The following PLD1 variants were observed in gnomAD, a reference collection of about 807,000 sequenced individuals.
PLD1 encodes phospholipase D1.
PLD1 carries 112 observed loss-of-function variants against 137.1 expected under a neutral mutation model. That is an observed-to-expected ratio of 0.82 (90% CI 0.70 to 0.96). The LOEUF (loss-of-function observed/expected upper bound fraction) is 0.96. Among genes scored for constraint, PLD1 ranks in the 40% least tolerant of loss-of-function variants. The pLI is 0.00. For missense variants in PLD1, 1,321 were observed against 1,342.0 expected, an observed-to-expected ratio of 0.98 and a Z score of 0.24; for synonymous variants, 431 against 454.7, an observed-to-expected ratio of 0.95 and a Z score of 0.66.
At position 171,661,846 on chromosome 3, in the gene PLD1, A is replaced by G. The variant is rs375614166; in HGVS notation, c.2340+214T>C. Reference sequence around the variant, plus strand: ...ACAGCAAAGATTTGTGAGACTCCCAATAGAATCTTGAGTTAATGACAATGC... The same window carrying G: ...ACAGCAAAGATTTGTGAGACTCCCAGTAGAATCTTGAGTTAATGACAATGC... On this transcript the variant is annotated intron_variant, in intron 20 of 26. Transcript: ENST00000351298. 3.3e-5 allele frequency among the ~76,000 whole-genome samples: 5 copies of G among 152,214 alleles called. No individual in the cohort carries two copies. The South Asian group carries it at 6.2e-4, about 19-fold the overall frequency.
chr3:171,803,368 G>A (rs1723723416), intron 1 of PLD1, among the ~76,000 whole-genome samples: 1 of 152,226 alleles, frequency 6.6e-6, no homozygotes. Context: ...AAGATGGGGT[G>A]GAGAAGCTCG....
At chr3:171,763,595 A>G (rs916150406) in intron 1 of PLD1, among the ~76,000 whole-genome samples, 14 of 150,298 alleles carry the variant, frequency 9.3e-5, no homozygotes, top group African/African-American at 3.2e-4. Flanking sequence ...AAGAAAAGAG[A>G]ACCTGCTGTA....
intron 3 of PLD1, 35 bp from the exon 4 acceptor site, chr3:171,735,672 A>T (rs747402930): frequency 1.6e-6 from 2 of 1,277,890 alleles, no homozygotes; most frequent in East Asian, 2.3e-5. Flanking sequence ...GATATTTTAG[A>T]TAACAACAAA....
chr3:171,794,304 C>T (rs74694062), intron 1 of PLD1, among the ~76,000 whole-genome samples: 4,871 of 152,108 alleles, frequency 0.032, 111 homozygotes, highest in Non-Finnish European at 0.053. Context: ...TTATATATTA[C>T]ATTTTATCAT....
chr3:171,742,780 C>G (rs1329743032), intron 1 of PLD1, among the ~76,000 whole-genome samples: 1 of 152,142 alleles, frequency 6.6e-6, no homozygotes, highest in Admixed American at 6.5e-5. Flanking sequence ...GATTCAAGTA[C>G]TAAACTCAAT....
chr3:171,660,969 T>A (rs771750052), intron 20 of PLD1, among the ~76,000 whole-genome samples: 1 of 152,184 alleles, frequency 6.6e-6, no homozygotes, highest in Non-Finnish European at 1.5e-5. Context: ...GGGCAATAGA[T>A]GAGCCAGCCT....
At position 171,602,304 on chromosome 3, in the gene PLD1, A is replaced by G. The variant is rs147062338; in HGVS notation, c.*774T>C. ...TGTTACGTAATCAAATATCCCATGCATGTTTTTACATTTGATCAGGTGGGC... is the reference window on the plus strand; with the variant it reads ...TGTTACGTAATCAAATATCCCATGCGTGTTTTTACATTTGATCAGGTGGGC... On this transcript the variant is annotated 3_prime_UTR_variant, in exon 27 of 27. Transcript: ENST00000351298. The G allele has an allele frequency of 9.8e-5, 15 of 152,296 alleles. No individual in the cohort carries two copies. Among genetic ancestry groups the G allele is most frequent in the African/African-American group, 3.1e-4 (13 of 41,566 alleles). 9.4% of individuals were successfully genotyped at this position (152,296 alleles called of 1,614,324 possible).
intron 21 of PLD1, among the ~76,000 whole-genome samples, chr3:171,647,637 C>T (rs998070251): frequency 1.4e-4 from 22 of 152,008 alleles, no homozygotes; most frequent in African/African-American, 4.3e-4. Context: ...TTAGTAGAGA[C>T]GGGGTTTCTC....
chr3:171,678,055 G>A (rs1034181778), intron 16 of PLD1, among the ~76,000 whole-genome samples: 2 of 152,144 alleles, frequency 1.3e-5, no homozygotes, highest in Non-Finnish European at 2.9e-5. Context: ...AAGCTGGTGG[G>A]GGGCTTTCAG....
intron 1 of PLD1, among the ~76,000 whole-genome samples, chr3:171,773,359 C>T (rs912870034): frequency 6.6e-6 from 1 of 152,190 alleles, no homozygotes; most frequent in South Asian, 2.1e-4. Context: ...GTTGGGAGGC[C>T]GAGGCGGGTG....
chr3:171,770,888 CAA>C (rs34683994), intron 1 of PLD1, among the ~76,000 whole-genome samples: 3,109 of 40,646 alleles, frequency 0.076, 93 homozygotes, highest in African/African-American at 0.24. Context: ...AACCCTATCT[CAA>C]AAAAAAAAAA....
At chr3:171,699,878 T>C (rs1251723022) in intron 11 of PLD1, 52 bp from the exon 12 acceptor site, 2 of 1,445,372 alleles carry the variant, frequency 1.4e-6, no homozygotes, top group Middle Eastern at 1.7e-4. Flanking sequence ...TATAAAGTTC[T>C]GATTGTGTCA....
chr3:171,617,104 G>C (rs1281840266), intron 24 of PLD1, among the ~76,000 whole-genome samples: 1 of 152,062 alleles, frequency 6.6e-6, no homozygotes, highest in Admixed American at 6.5e-5. Flanking sequence ...CAAATGCCTG[G>C]CCCCAAACCA....
chr3:171,637,841 GCA>G (rs891801816), intron 23 of PLD1, among the ~76,000 whole-genome samples: 12 of 151,982 alleles, frequency 7.9e-5, no homozygotes, highest in African/African-American at 2.9e-4. Context: ...GTGAATCTAA[GCA>G]TAGAAAAAGC....
chr3:171,768,172 A>G (rs1722106030), intron 1 of PLD1, among the ~76,000 whole-genome samples: 2 of 152,134 alleles, frequency 1.3e-5, no homozygotes, highest in Non-Finnish European at 2.9e-5. Flanking sequence ...TGGTCAGATC[A>G]GCTCCAGGAG....
intron 1 of PLD1, among the ~76,000 whole-genome samples, chr3:171,807,881 T>C (rs1191633236): frequency 1.3e-5 from 2 of 152,208 alleles, no homozygotes; most frequent in African/African-American, 4.8e-5. Context: ...CATCATAGAA[T>C]ACCATGCAGC....
At chr3:171,747,280 G>T (rs1054027845) in intron 1 of PLD1, among the ~76,000 whole-genome samples, 5 of 152,212 alleles carry the variant, frequency 3.3e-5, no homozygotes, top group Non-Finnish European at 7.3e-5. Context: ...ACTAGGGCAG[G>T]TTAAGTTGCT....
At chr3:171,672,938 C>T (rs553838010) in intron 19 of PLD1, among the ~76,000 whole-genome samples, 26 of 152,302 alleles carry the variant, frequency 1.7e-4, no homozygotes, top group African/African-American at 6.3e-4. Context: ...GCATATGCAA[C>T]GCTATGCTAA....
chr3:171,729,154 G>T (rs758251891), intron 6 of PLD1, among the ~76,000 whole-genome samples: 5 of 152,154 alleles, frequency 3.3e-5, no homozygotes, highest in Non-Finnish European at 7.4e-5. Flanking sequence ...TTAGCCTAAC[G>T]GCATTTCGCA....
Sources: allele counts gnomAD v4.1 joint callset (sites outside exome capture counted in the v4.1 genomes callset), GRCh38; gene constraint gnomAD v4.1.1; transcripts MANE v1.5; gene names NCBI Gene and HGNC (gene_info 2026-07-23, HGNC 2026-07-21).